TH: variants seen among roughly 807,000 people sequenced by gnomAD.
TH encodes the protein tyrosine hydroxylase.
In TH, 49 loss-of-function variants were observed where a neutral mutation model predicts 57.4. The ratio of observed to expected loss-of-function variants is 0.85; its 90% CI spans 0.68 to 1.08. TH has a LOEUF of 1.08. Ranked by LOEUF, TH falls within the 50% of genes least tolerant of loss-of-function variation. The probability of loss-of-function intolerance (pLI) is 0.00; values close to 1 mark genes in which losing one functional copy is unlikely to be tolerated. For missense variants in TH, 720 were observed against 696.7 expected (o/e 1.03, Z -0.38); for synonymous variants, 330 against 304.5 (o/e 1.08, Z -0.87).
chr11:2,167,519 C>G (rs753867336), intron 5 of TH, 34 bp from the exon 6 acceptor site: 2 of 1,550,524 alleles, frequency 1.3e-6, no homozygotes, highest in East Asian at 4.8e-5. Flanking sequence ...CAGGTCCCCT[C>G]GGGGAGTGAG....
chr11:2,170,744 G>A lies in TH; in HGVS notation c.91-873C>T, dbSNP rs771992434. 1 of 1,597,966 alleles carries A rather than the reference G, an allele frequency of 6.3e-7. No homozygotes were observed. Among genetic ancestry groups the A allele is most frequent in the Non-Finnish European group, 8.5e-7 (1 of 1,176,240 alleles). On this transcript the variant is annotated intron_variant, in intron 1 of 12. Transcript: ENST00000352909. The surrounding 1 kb of genome is among the most constrained non-coding windows in gnomAD (Gnocchi z 6.0). ...GGGCTGCAGTTCCAGGCCACGGAGA[G>A]CCTGTGAGGCTGGGCCCCGGGGCGC...
intron 12 of TH, 116 bp downstream of exon 12, chr11:2,165,116 G>C: frequency 6.5e-7 from 1 of 1,535,094 alleles, no homozygotes; most frequent in Non-Finnish European, 8.9e-7. Context: ...CCAGGGGTCG[G>C]TTTTCTCATC....
At chr11:2,167,162 C>CCTGA in intron 6 of TH, 130 bp from the exon 7 acceptor site, 1 of 1,359,844 alleles carries the variant, frequency 7.4e-7, no homozygotes. Context: ...CCTGAAGACC[C>CCTGA]AGGCCCCCGG....
intron 2 of TH, 22 bp from the exon 3 acceptor site, chr11:2,168,687 G>A: frequency 7.4e-7 from 1 of 1,353,082 alleles, no homozygotes; most frequent in Non-Finnish European, 9.8e-7. Context: ...AAAGCAGGAA[G>A]AGAGAGAGAA....
chr11:2,169,214 C>G (rs1197239513), intron 2 of TH, among the ~76,000 whole-genome samples: 1 of 152,142 alleles, frequency 6.6e-6, no homozygotes, highest in Non-Finnish European at 1.5e-5. Context: ...GGAGCTTCTT[C>G]CGGGAGCTGG....
Position 2,166,941 on chromosome 11 carries a change from C to G in TH, c.787G>C (p.Gly263Arg), listed in dbSNP as rs755536257. Residue 263 changes from glycine (G) to arginine (R), a missense_variant, in exon 7 of 13, where the codon GGC (glycine) becomes CGC (arginine). Transcript: ENST00000352909. The part of the protein sequence containing the change: ...EAFALLERFS[G>R]YREDNIPQLE... ...TGGGGGATATTGTCTTCCCGGTAGC[C>G]GCTGAAGCGCTCCAGCAAAGCAAAG... The G allele has an allele frequency of 2.5e-6, 4 of 1,598,792 alleles. No individual in the cohort carries two copies. The East Asian group carries it at 6.8e-5, about 27-fold the overall frequency.
Position 2,168,172 on chromosome 11 carries a change from C to A in TH, c.495G>T (p.Trp165Cys). ...VRSPAGPKVP[W>C]FPRKVSELDK... ...CCAGCTCTGACACTTTTCTTGGGAA[C>A]CAGGGGACTTTATGGGTGATGGAGG... Residue 165 changes from tryptophan (W) to cysteine (C), a missense_variant, in exon 4 of 13, where the codon TGG becomes TGT. Trp to Cys is a radical substitution (Grantham distance 215). Coordinates refer to ENST00000352909, the MANE Select transcript of TH (RefSeq NM_000360.4). 6.2e-7 allele frequency: 1 copy of A among 1,613,498 alleles called. No homozygotes were observed. The highest frequency in any genetic ancestry group is 1.1e-5 in the South Asian group (1 of 91,078).
chr11:2,165,590 C>G, intron 11 of TH, 78 bp downstream of exon 11: 1 of 1,509,568 alleles, frequency 6.6e-7, no homozygotes, highest in Non-Finnish European at 9.1e-7. Context: ...TTTCCTCCCA[C>G]TGGGAGCCTG....
intron 2 of TH, 72 bp from the exon 3 acceptor site, chr11:2,168,737 C>T (rs1418833032): frequency 7.8e-5 from 14 of 178,846 alleles, no homozygotes; most frequent in Admixed American, 4.2e-4. Context: ...GTGGGGTGGG[C>T]GGGGAGGAGG....
chr11:2,166,163 T>C (rs1846083828), intron 9 of TH, 105 bp from the exon 10 acceptor site: 5 of 1,332,448 alleles, frequency 3.8e-6, no homozygotes, highest in African/African-American at 1.5e-5. Context: ...TCTGGGACAC[T>C]TCCCTGGCGG....
chr11:2,169,471 G>A (rs1024648014), intron 2 of TH, among the ~76,000 whole-genome samples, 179 bp downstream of exon 2: 2 of 152,132 alleles, frequency 1.3e-5, no homozygotes, highest in East Asian at 1.9e-4. Context: ...TCAAAAACAC[G>A]GGGGTGTGGC....
At position 2,169,885 on chromosome 11, in the gene TH, G is replaced by A. The variant is rs1846206770; in HGVS notation, c.91-14C>T. 1 of 1,604,890 alleles carries A rather than the reference G, an allele frequency of 6.2e-7. No homozygotes were observed. Among genetic ancestry groups the A allele is most frequent in the Admixed American group, 1.7e-5 (1 of 59,388 alleles). On this transcript the variant is annotated splice_polypyrimidine_tract_variant and intron_variant, in intron 1 of 12. Coordinates refer to ENST00000352909, the MANE Select transcript of TH (RefSeq NM_000360.4). Reference sequence around the variant, plus strand: ...GAACCGCGGGGACTGTGGGGACAAGGGGCACCCATGCCTCCTCCACCTGCT... The same window carrying A: ...GAACCGCGGGGACTGTGGGGACAAGAGGCACCCATGCCTCCTCCACCTGCT...
At chr11:2,165,175 C>A (rs1846052104) in intron 12 of TH, 57 bp downstream of exon 12, 1 of 1,611,806 alleles carries the variant, frequency 6.2e-7, no homozygotes, top group Admixed American at 1.7e-5. Context: ...AGAAGGAAGG[C>A]CTGGCTGGCC....
rs1239076325 is a variant in TH, at chr11:2,169,729, C to T, written c.233G>A (p.Gly78Glu). The change falls in exon 2 of 13, where the codon GGG (glycine) becomes GAG (glutamate). Residue 78 changes from glycine to glutamate, a missense_variant. By Grantham distance (98) the Gly-to-Glu change is moderately conservative (BLOSUM62 -2). Coordinates refer to ENST00000352909, the MANE Select transcript of TH (RefSeq NM_000360.4). Reference protein sequence around the residue: ...LEAVAFEEKEGKAVLNLLFSP... With the variant: ...LEAVAFEEKEEKAVLNLLFSP... ...GAAGAGCAGGTTTAGCACGGCCTTC[C>T]CCTCCTTCTCCTCAAAGGCCACAGC... 6.2e-7 allele frequency: 1 copy of T among 1,612,970 alleles called. No individual in the cohort carries two copies. Among genetic ancestry groups the T allele is most frequent in the Non-Finnish European group, 8.5e-7 (1 of 1,179,862 alleles).
intron 7 of TH, 33 bp from the exon 8 acceptor site, chr11:2,166,801 G>A: frequency 6.5e-7 from 1 of 1,548,830 alleles, no homozygotes; most frequent in Non-Finnish European, 8.7e-7. Flanking sequence ...CTGCCGAGCC[G>A]GGACGGGCTG....
intron 12 of TH, among the ~76,000 whole-genome samples, chr11:2,164,843 C>A (rs1564916012): frequency 6.6e-6 from 1 of 152,266 alleles, no homozygotes; most frequent in East Asian, 1.9e-4. Flanking sequence ...GTCACTGCAC[C>A]AAAGGCCCCC....
chr11:2,169,985 G>C, intron 1 of TH, 114 bp from the exon 2 acceptor site: 2 of 1,143,026 alleles, frequency 1.7e-6, no homozygotes, highest in Non-Finnish European at 2.5e-6. Context: ...CAGGGGATGA[G>C]AGCACGTTTT....
Position 2,164,141 on chromosome 11 carries a change from G to A in TH, c.*92C>T, listed in dbSNP as rs958658481. Reference sequence around the variant, plus strand: ...CCTGGCAGCAGGGAGGGCATGGGGGGCACCCGGGACCCAGCCCCTCACCAG... The same window carrying A: ...CCTGGCAGCAGGGAGGGCATGGGGGACACCCGGGACCCAGCCCCTCACCAG... On this transcript the variant is annotated 3_prime_UTR_variant, in exon 13 of 13. Transcript: ENST00000352909. 11 of 1,198,054 alleles carry A rather than the reference G, an allele frequency of 9.2e-6. No homozygotes were observed. The South Asian group carries it at 1.1e-4, about 12-fold the overall frequency. The allele number at this position is 1,198,054 out of a possible 1,614,324, so 74.2% of individuals were successfully genotyped here.
chr11:2,166,154 C>T, intron 9 of TH, 96 bp from the exon 10 acceptor site: 2 of 1,381,552 alleles, frequency 1.4e-6, no homozygotes, highest in Non-Finnish European at 2.0e-6. Context: ...CCAGGGGTCT[C>T]TGGGACACTT....
Sources: allele counts gnomAD v4.1 joint callset (sites outside exome capture counted in the v4.1 genomes callset), GRCh38; gene constraint gnomAD v4.1.1; non-coding constraint Gnocchi (gnomAD v3.1); transcripts MANE v1.5; gene names NCBI Gene and HGNC (gene_info 2026-07-23, HGNC 2026-07-21).